Variants in SORCS3 observed in about 807,000 individuals in gnomAD.
SORCS3 encodes VPS10 domain-containing receptor SorCS3.
Under a neutral mutation model 146.3 loss-of-function variants are expected in SORCS3, and 57 were observed. That is an observed-to-expected ratio of 0.39 (90% CI 0.31 to 0.49). The LOEUF is 0.49. Ranked by LOEUF, SORCS3 falls within the 20% of genes least tolerant of loss-of-function variation. The pLI is 0.92. For synonymous variants in SORCS3, 653 were observed against 618.5 expected (o/e 1.06, Z -0.83); for missense variants, 1,341 against 1,575.5 (o/e 0.85, Z 2.52).
intron 3 of SORCS3, among the ~76,000 whole-genome samples, chr10:104,948,836 G>A (rs2019399603): frequency 1.3e-5 from 2 of 152,142 alleles, no homozygotes; most frequent in South Asian, 4.1e-4. Context: ...TCCATGGGAA[G>A]TATTTTATTA....
intron 1 of SORCS3, among the ~76,000 whole-genome samples, chr10:104,715,973 C>T (rs745338303): frequency 1.1e-4 from 17 of 152,166 alleles, no homozygotes; most frequent in Non-Finnish European, 1.8e-4. Flanking sequence ...GCTGCTCTCA[C>T]CTCTCTCCTG....
chr10:105,203,526 A>G (rs1053898671), intron 16 of SORCS3, among the ~76,000 whole-genome samples: 2 of 152,306 alleles, frequency 1.3e-5, no homozygotes, highest in African/African-American at 4.8e-5. Context: ...TCTGTGTGCC[A>G]TAATAGACCC....
intron 16 of SORCS3, among the ~76,000 whole-genome samples, chr10:105,205,284 G>A (rs1274168640): frequency 1.3e-5 from 2 of 152,186 alleles, no homozygotes; most frequent in Non-Finnish European, 2.9e-5. Context: ...TTCTGTCTCT[G>A]TCCCTCTTTT....
intron 1 of SORCS3, among the ~76,000 whole-genome samples, chr10:104,751,629 T>G (rs1564675304): frequency 1.3e-5 from 2 of 152,040 alleles, no homozygotes; most frequent in Non-Finnish European, 2.9e-5. Flanking sequence ...TCATTTAATG[T>G]CTGGGGTCTG....
chr10:104,716,511 A>G (rs1317449284), intron 1 of SORCS3, among the ~76,000 whole-genome samples: 1 of 150,954 alleles, frequency 6.6e-6, no homozygotes, highest in African/African-American at 2.4e-5. Context: ...CCAAGATGCC[A>G]TGGGGGTCGG....
At chr10:104,967,174 G>T (rs2054830533) in intron 3 of SORCS3, among the ~76,000 whole-genome samples, 1 of 152,026 alleles carries the variant, frequency 6.6e-6, no homozygotes, top group African/African-American at 2.4e-5. Context: ...ATTCAAAGCA[G>T]CAATTGTGTT....
intron 3 of SORCS3, among the ~76,000 whole-genome samples, chr10:104,920,331 G>A (rs922443466): frequency 6.6e-6 from 1 of 152,146 alleles, no homozygotes; most frequent in Non-Finnish European, 1.5e-5. Context: ...GCTAATTGTT[G>A]ATTTTTTAAA....
chr10:105,006,445 C>T (rs539514672), intron 4 of SORCS3, among the ~76,000 whole-genome samples: 6 of 152,226 alleles, frequency 3.9e-5, no homozygotes, highest in Admixed American at 1.3e-4. Flanking sequence ...TTGTAACAAC[C>T]TCTTCCTCCC....
rs74155027 is a variant in SORCS3, at chr10:104,757,563, G to A, written c.628-85229G>A. On this transcript the variant is annotated intron_variant, in intron 1 of 26. Transcript: ENST00000369701. The stretch of plus-strand genomic sequence containing the variant: ...TTCTGCCACAGAGCCGATGCCTTGT[G>A]TGTCTGTGTGCTTGTGTATTCAGAG... Among the ~76,000 whole-genome samples the A allele has an allele frequency of 3.1e-3, 471 of 152,268 alleles. 2 individuals are homozygous for A. Among genetic ancestry groups the A allele is most frequent in the African/African-American group, 0.01 (425 of 41,560 alleles).
intron 3 of SORCS3, among the ~76,000 whole-genome samples, chr10:104,934,159 C>T (rs1298499482): frequency 6.6e-6 from 1 of 152,130 alleles, no homozygotes; most frequent in Non-Finnish European, 1.5e-5. Flanking sequence ...CCAGATGAAA[C>T]TTCTGTCCCT....
chr10:104,758,333 G>T (rs1256422407), intron 1 of SORCS3, among the ~76,000 whole-genome samples: 3 of 152,116 alleles, frequency 2.0e-5, no homozygotes, highest in African/African-American at 7.2e-5. Context: ...TTGCAGGGGT[G>T]GGTGGAGTGT....
intron 1 of SORCS3, among the ~76,000 whole-genome samples, chr10:104,660,622 T>G (rs954640675): frequency 5.3e-5 from 8 of 152,172 alleles, no homozygotes; most frequent in Non-Finnish European, 1.2e-4. Flanking sequence ...GTCTTCACTT[T>G]TTTTTTCTGA....
Position 104,995,024 on chromosome 10 carries a change from G to T in SORCS3, c.954+17531G>T, listed in dbSNP as rs552285915. Among the ~76,000 whole-genome samples the T allele has an allele frequency of 2.2e-3, 340 of 152,086 alleles. 1 individual carries two copies. The highest frequency in any genetic ancestry group is 7.6e-3 in the African/African-American group (317 of 41,512). ...AAAATGTCAAACCATTTCCTAAAGT[G>T]TTTGTGCTATTTTTTCATTTCCACT... On this transcript the variant is annotated intron_variant, in intron 4 of 26. Transcript: ENST00000369701.
intron 14 of SORCS3, among the ~76,000 whole-genome samples, chr10:105,181,248 A>G (rs1347571644): frequency 5.9e-5 from 9 of 152,218 alleles, no homozygotes; most frequent in Non-Finnish European, 1.2e-4. Context: ...TTTCTGGCCC[A>G]TGGCTCTAGC....
At chr10:104,870,323 T>C (rs1461003438) in intron 2 of SORCS3, among the ~76,000 whole-genome samples, 6 of 152,136 alleles carry the variant, frequency 3.9e-5, no homozygotes, top group African/African-American at 1.4e-4. Context: ...TGACAATGAG[T>C]AGAGAGTCAT....
chr10:105,165,217 G>T (rs191273363), intron 12 of SORCS3, among the ~76,000 whole-genome samples: 1 of 152,036 alleles, frequency 6.6e-6, no homozygotes, highest in African/African-American at 2.4e-5. Flanking sequence ...GGAGAAATGG[G>T]TTCGTAGCTA....
intron 4 of SORCS3, among the ~76,000 whole-genome samples, chr10:104,995,858 C>T (rs547246940): frequency 6.6e-6 from 1 of 152,154 alleles, no homozygotes; most frequent in South Asian, 2.1e-4. Context: ...TTTTATTTTG[C>T]CTTTTACTAG....
chr10:105,095,929 A>G (rs1589630652), intron 6 of SORCS3, among the ~76,000 whole-genome samples: 1 of 152,170 alleles, frequency 6.6e-6, no homozygotes, highest in Admixed American at 6.5e-5. Context: ...ATATTGCTCT[A>G]TGTAGTTCCC....
At chr10:104,875,265 A>G (rs1250669600) in intron 2 of SORCS3, among the ~76,000 whole-genome samples, 1 of 152,208 alleles carries the variant, frequency 6.6e-6, no homozygotes, top group African/African-American at 2.4e-5. Context: ...TGGGATATGC[A>G]TTGCATCAAG....
Sources: allele counts gnomAD v4.1 joint callset (sites outside exome capture counted in the v4.1 genomes callset), GRCh38; gene constraint gnomAD v4.1.1; transcripts MANE v1.5; gene names NCBI Gene and HGNC (gene_info 2026-07-23, HGNC 2026-07-21).